The following SYTL3 variants were observed in gnomAD, a reference collection of about 807,000 sequenced individuals.
SYTL3 encodes the protein synaptotagmin-like protein 3.
In SYTL3, 88 loss-of-function variants were observed where a neutral mutation model predicts 82.1. The ratio of observed to expected loss-of-function variants is 1.07; its 90% CI spans 0.90 to 1.28. The LOEUF (loss-of-function observed/expected upper bound fraction) is 1.28. Among genes scored for constraint, SYTL3 ranks in the 50% most tolerant of loss-of-function variants. SYTL3 has a pLI of 0.00. For synonymous variants in SYTL3, 311 were observed against 289.4 expected (o/e 1.07, Z -0.76); for missense variants, 831 against 757.6 (o/e 1.10, Z -1.14).
intron 2 of SYTL3, among the ~76,000 whole-genome samples, chr6:158,660,409 G>A (rs1218323762): frequency 6.6e-6 from 1 of 152,266 alleles, no homozygotes; most frequent in Non-Finnish European, 1.5e-5. Flanking sequence ...GAGTGAATGG[G>A]CACTAGGGGG....
intron 11 of SYTL3, among the ~76,000 whole-genome samples, chr6:158,728,273 T>C (rs1056203393): frequency 6.6e-6 from 1 of 151,982 alleles, no homozygotes; most frequent in African/African-American, 2.4e-5. Flanking sequence ...GAGTGAATGG[T>C]GTAAGGTAGA....
At position 158,751,946 on chromosome 6, in the gene SYTL3, G is replaced by A. The variant is rs374001973; in HGVS notation, c.1053G>A (p.Leu351=). The A allele has an allele frequency of 1.3e-6, 2 of 1,599,042 alleles. No individual in the cohort carries two copies. The highest frequency in any genetic ancestry group is 2.7e-5 in the African/African-American group (2 of 73,952). ...KKCNPYVKTY[L]LPDRSSQGKR... ...CCCCTAGGTATGTGAAGACCTACCTGTTGCCCGACAGATCCTCCCAGGGAA... is the reference window on the plus strand; with the variant it reads ...CCCCTAGGTATGTGAAGACCTACCTATTGCCCGACAGATCCTCCCAGGGAA... Residue 351 remains leucine (L), a synonymous_variant, in exon 13 of 18, where the codon CTG becomes CTA. Coordinates refer to ENST00000611299, the MANE Select transcript of SYTL3 (RefSeq NM_001242394.2).
chr6:158,740,715 A>G (rs906899956), intron 11 of SYTL3, among the ~76,000 whole-genome samples: 4 of 152,198 alleles, frequency 2.6e-5, no homozygotes, highest in Non-Finnish European at 5.9e-5. Flanking sequence ...AGTATGAAAA[A>G]CTGGGATAAT....
intron 5 of SYTL3, among the ~76,000 whole-genome samples, 182 bp from the exon 6 acceptor site, chr6:158,682,743 A>G (rs1183844533): frequency 6.6e-6 from 1 of 152,144 alleles, no homozygotes; most frequent in Non-Finnish European, 1.5e-5. Context: ...TTTGCTGCTG[A>G]TACTGAAATC....
chr6:158,725,740 T>G, intron 11 of SYTL3, 103 bp downstream of exon 11: 1 of 1,433,218 alleles, frequency 7.0e-7, no homozygotes. Context: ...TTGAAGGTCC[T>G]TATTTTTGGA....
At position 158,693,697 on chromosome 6, in the gene SYTL3, T is replaced by TTTTC. The variant is rs974618294; in HGVS notation, c.394+10728_394+10731dup. Among the ~76,000 whole-genome samples the TTTTC allele has an allele frequency of 2.2e-4, 29 of 130,566 alleles. 1 individual carries two copies. The highest frequency in any genetic ancestry group is 1.7e-3 in the South Asian group (8 of 4,674). 85.7% of individuals were successfully genotyped at this position (130,566 alleles called of 152,430 possible). A position where few individuals can be genotyped will look rare whatever the true frequency, so the allele number is the denominator to read the frequency against. On this transcript the variant is annotated intron_variant, in intron 6 of 17. Coordinates refer to ENST00000611299, the MANE Select transcript of SYTL3 (RefSeq NM_001242394.2). ...TGAATCCAGCCTTTCTTTCTTTTCG[T>TTTTC]TTTCTTTCTTTCTTTCTTTCTTTTT...
chr6:158,703,832 A>ATTATTATTT (rs1554254343), intron 6 of SYTL3, among the ~76,000 whole-genome samples: 12 of 147,916 alleles, frequency 8.1e-5, no homozygotes, highest in Admixed American at 8.1e-4. Flanking sequence ...CATTATTATT[A>ATTATTATTT]TTATTATTAT....
At chr6:158,733,781 C>T (rs1785736527) in intron 11 of SYTL3, among the ~76,000 whole-genome samples, 1 of 151,938 alleles carries the variant, frequency 6.6e-6, no homozygotes, top group African/African-American at 2.4e-5. Flanking sequence ...CAGGTGTGCT[C>T]TCGCCATTGT....
chr6:158,692,773 TAAAAAA>T (rs35173536), intron 6 of SYTL3, among the ~76,000 whole-genome samples: 4 of 121,690 alleles, frequency 3.3e-5, no homozygotes, highest in African/African-American at 5.9e-5. Context: ...CCGTCTCTAC[TAAAAAA>T]AAAAAAAAAA....
intron 12 of SYTL3, among the ~76,000 whole-genome samples, chr6:158,751,584 G>A (rs952504448): frequency 2.6e-5 from 4 of 152,114 alleles, no homozygotes; most frequent in African/African-American, 9.7e-5. Flanking sequence ...ACGGGAATCC[G>A]GCTCATGGCC....
chr6:158,738,497 CTG>C (rs770211402), intron 11 of SYTL3, among the ~76,000 whole-genome samples: 1 of 152,180 alleles, frequency 6.6e-6, no homozygotes, highest in African/African-American at 2.4e-5. Context: ...CCTGCCTTCT[CTG>C]TTCCTTATTC....
chr6:158,647,694 C>G (rs1787567649), upstream of SYTL3, among the ~76,000 whole-genome samples: 1 of 152,244 alleles, frequency 6.6e-6, no homozygotes, highest in Non-Finnish European at 1.5e-5. Flanking sequence ...AATGGATGTC[C>G]ATCAGAAGCA....
rs1788220857 is a variant in SYTL3, at chr6:158,653,044, G to A, written c.-637+1202G>A. On this transcript the variant is annotated intron_variant, in intron 2 of 17. Coordinates refer to ENST00000611299, the MANE Select transcript of SYTL3 (RefSeq NM_001242394.2). ...ATGAGTAACAAGATAGACAGAAAAT[G>A]TATAAACGCACATCTTCATTTCTGT... Among the ~76,000 whole-genome samples the A allele has an allele frequency of 2.0e-5, 3 of 152,298 alleles. No individual in the cohort carries two copies. In the South Asian group the frequency reaches 6.2e-4, roughly 32 times the overall value.
At position 158,672,537 on chromosome 6, in the gene SYTL3, C is replaced by T. The variant is rs74650465; in HGVS notation, c.329+6924C>T. ...TCTCCTGATTTTTATGTAGAAGAAA[C>T]ATACTGGTTTTTTTGTTTCTTTTTT... On this transcript the variant is annotated intron_variant, in intron 5 of 17. Coordinates refer to ENST00000611299, the MANE Select transcript of SYTL3 (RefSeq NM_001242394.2). 9.1e-3 allele frequency among the ~76,000 whole-genome samples: 1,318 copies of T among 145,526 alleles called. 19 individuals are homozygous for T. Among genetic ancestry groups the T allele is most frequent in the South Asian group, 0.016 (73 of 4,594 alleles).
intron 10 of SYTL3, among the ~76,000 whole-genome samples, chr6:158,722,788 T>TTTTA (rs1209374891): frequency 8.2e-6 from 1 of 121,616 alleles, no homozygotes; most frequent in Non-Finnish European, 1.7e-5. Context: ...TTTTTTTTTT[T>TTTTA]AAGATGGAGT....
chr6:158,675,420 T>C (rs1027552416), intron 5 of SYTL3, among the ~76,000 whole-genome samples: 1 of 152,220 alleles, frequency 6.6e-6, no homozygotes, highest in African/African-American at 2.4e-5. Flanking sequence ...CAATGATCAG[T>C]CTTTTTTTTC....
At chr6:158,753,512 T>A (rs1788664457) in intron 13 of SYTL3, among the ~76,000 whole-genome samples, 1 of 151,310 alleles carries the variant, frequency 6.6e-6, no homozygotes. Context: ...GGGTGGATCA[T>A]GAGGTCAGGA....
intron 11 of SYTL3, among the ~76,000 whole-genome samples, chr6:158,727,319 C>A (rs1034831578): frequency 2.0e-5 from 3 of 151,788 alleles, no homozygotes; most frequent in African/African-American, 7.2e-5. Context: ...TTACAGGCGC[C>A]CACCACCACG....
intron 11 of SYTL3, chr6:158,726,677 C>T: frequency 3.5e-6 from 1 of 288,252 alleles, no homozygotes; most frequent in South Asian, 4.8e-5. Flanking sequence ...CACTGGCTGG[C>T]TGGAAGCCTT....
Sources: gnomAD v4.1 joint callset for allele counts (sites outside exome capture counted in the v4.1 genomes callset) on GRCh38, gnomAD v4.1.1 for gene constraint, MANE v1.5 for transcripts, NCBI Gene and HGNC (gene_info 2026-07-23, HGNC 2026-07-21) for gene names.